ANXA10: variants seen among roughly 807,000 people sequenced by gnomAD.
ANXA10 encodes annexin A10.
ANXA10 carries 49 observed loss-of-function variants against 53.5 expected under a neutral mutation model. That is an observed-to-expected ratio of 0.92 (90% CI 0.73 to 1.16). The LOEUF (loss-of-function observed/expected upper bound fraction) is 1.16, where lower values mean the gene tolerates loss of function less well. ANXA10 is among the 50% of genes most tolerant of loss of function. The pLI, the probability that ANXA10 is intolerant of heterozygous loss-of-function variation, is 0.00. For missense variants in ANXA10, 393 were observed against 394.4 expected (o/e 1.00, Z 0.03); for synonymous variants, 131 against 128.9 (o/e 1.02, Z -0.11).
At chr4:168,150,702 C>T (rs1438145315) in intron 3 of ANXA10, among the ~76,000 whole-genome samples, 11 of 152,190 alleles carry the variant, frequency 7.2e-5, no homozygotes, top group Non-Finnish European at 1.6e-4. Context: ...ACGTTCAAAA[C>T]ATGGTGGTGT....
At chr4:168,096,012 C>A (rs1730534913) in intron 1 of ANXA10, among the ~76,000 whole-genome samples, 1 of 152,104 alleles carries the variant, frequency 6.6e-6, no homozygotes. Flanking sequence ...AGACATACAG[C>A]ATTTTAGCCT....
intron 2 of ANXA10, among the ~76,000 whole-genome samples, chr4:168,128,753 C>T (rs960347682): frequency 2.6e-5 from 4 of 152,046 alleles, no homozygotes; most frequent in Non-Finnish European, 5.9e-5. Context: ...CCCCCAGGCA[C>T]CTTACTTCCT....
At position 168,180,161 on chromosome 4, in the gene ANXA10, A is replaced by T. The variant is rs2149481381; in HGVS notation, c.724+849A>T. Among the ~76,000 whole-genome samples the T allele has an allele frequency of 1.3e-5, 2 of 152,264 alleles. 1 individual carries two copies. On this transcript the variant is annotated intron_variant, in intron 9 of 11. Transcript: ENST00000359299. ...AAGTCTCAAGCTAGGCTTCCATGAA[A>T]ACAGTTTGATGAAACCCCTAAAATA... is the stretch of plus-strand genomic sequence containing the variant.
At chr4:168,154,829 G>C (rs142755134) in intron 3 of ANXA10, among the ~76,000 whole-genome samples, 2 of 151,956 alleles carry the variant, frequency 1.3e-5, no homozygotes, top group Non-Finnish European at 2.9e-5. Flanking sequence ...TAACTCACAG[G>C]GTTGTTGTAA....
chr4:168,152,625 C>G (rs1400380213), intron 3 of ANXA10, among the ~76,000 whole-genome samples: 2 of 151,556 alleles, frequency 1.3e-5, no homozygotes, highest in African/African-American at 4.8e-5. Context: ...ATCACACTCT[C>G]AAGGTTGTTG....
At chr4:168,097,660 G>C (rs1048524295) in intron 1 of ANXA10, among the ~76,000 whole-genome samples, 6 of 152,082 alleles carry the variant, frequency 3.9e-5, no homozygotes, top group Non-Finnish European at 8.8e-5. Context: ...CATTATCATT[G>C]CCTGCCAACT....
intron 3 of ANXA10, among the ~76,000 whole-genome samples, chr4:168,150,547 T>C (rs1219881068): frequency 6.6e-6 from 1 of 152,106 alleles, no homozygotes; most frequent in East Asian, 1.9e-4. Flanking sequence ...AACAGACACT[T>C]TGATAGCCAG....
intron 1 of ANXA10, among the ~76,000 whole-genome samples, chr4:168,125,762 T>C (rs1731057415): frequency 6.6e-6 from 1 of 152,306 alleles, no homozygotes; most frequent in Non-Finnish European, 1.5e-5. Flanking sequence ...GGTGGGAAGA[T>C]GGTTTCTAGA....
intron 1 of ANXA10, among the ~76,000 whole-genome samples, chr4:168,122,022 TC>T (rs1269705821): frequency 6.7e-6 from 1 of 149,022 alleles, no homozygotes; most frequent in African/African-American, 2.5e-5. Flanking sequence ...TTGGTATTTT[TC>T]GTACAGATGG....
intron 3 of ANXA10, among the ~76,000 whole-genome samples, chr4:168,141,143 ATAAAGTCTCAGAGTTTGT>A (rs1731319060): frequency 6.6e-6 from 1 of 152,234 alleles, no homozygotes; most frequent in Non-Finnish European, 1.5e-5. Context: ...CACTGTACAT[ATAAAGTCTCAGAGTTTGT>A]TAAACCCTCA....
At chr4:168,104,986 A>G (rs1730696647) in intron 1 of ANXA10, among the ~76,000 whole-genome samples, 1 of 151,928 alleles carries the variant, frequency 6.6e-6, no homozygotes, top group African/African-American at 2.4e-5. Flanking sequence ...ACTGAAACAT[A>G]TGAGTATTAA....
chr4:168,102,048 T>A (rs1305524888), intron 1 of ANXA10, among the ~76,000 whole-genome samples: 1 of 152,174 alleles, frequency 6.6e-6, no homozygotes, highest in Non-Finnish European at 1.5e-5. Flanking sequence ...GCCATTACTC[T>A]GTGAGAAACA....
chr4:168,123,605 C>T (rs901839978), intron 1 of ANXA10, among the ~76,000 whole-genome samples: 8 of 152,266 alleles, frequency 5.3e-5, no homozygotes, highest in African/African-American at 1.9e-4. Context: ...TAGCAAGATT[C>T]TCATTACAAT....
chr4:168,100,208 T>G (rs979368980), intron 1 of ANXA10, among the ~76,000 whole-genome samples: 1 of 152,138 alleles, frequency 6.6e-6, no homozygotes, highest in Non-Finnish European at 1.5e-5. Flanking sequence ...ATTTTTTAAG[T>G]CTGATTTAGA....
chr4:168,098,307 A>G (rs1730584813), intron 1 of ANXA10, among the ~76,000 whole-genome samples: 1 of 152,118 alleles, frequency 6.6e-6, no homozygotes, highest in Non-Finnish European at 1.5e-5. Context: ...TATGAATCAT[A>G]GTTAGTTTAA....
At chr4:168,152,492 C>T (rs1188916409) in intron 3 of ANXA10, among the ~76,000 whole-genome samples, 1 of 152,078 alleles carries the variant, frequency 6.6e-6, no homozygotes, top group Non-Finnish European at 1.5e-5. Flanking sequence ...GAATAAAACA[C>T]TGAGTGTTCA....
rs1285671480 is a variant in ANXA10 at position 168,187,719 on chromosome 4, T to C, written c.*285T>C. ...CATTGGAATAGATTTTATTTAAATG[T>C]GAACCATCAACAACCTACAACAAGA... On this transcript the variant is annotated 3_prime_UTR_variant, in exon 12 of 12. Transcript: ENST00000359299. The C allele has an allele frequency of 4.6e-6, 1 of 219,582 alleles. No individual in the cohort carries two copies. The highest frequency in any genetic ancestry group is 8.9e-6 in the Non-Finnish European group (1 of 112,316). The allele number at this position is 219,582 out of a possible 1,614,324, so 13.6% of individuals were successfully genotyped here. A position where few individuals can be genotyped will look rare whatever the true frequency, so the allele number is the denominator to read the frequency against.
intron 11 of ANXA10, 52 bp from the exon 12 acceptor site, chr4:168,187,314 T>C: frequency 2.4e-6 from 3 of 1,246,154 alleles, no homozygotes; most frequent in Non-Finnish European, 3.4e-6. Context: ...ATGCTTCCTT[T>C]TTAGAACTAT....
In ANXA10 at chr4:168,169,552, G is replaced by A. The variant is rs149056672; in HGVS notation, c.480+4226G>A. On this transcript the variant is annotated intron_variant, in intron 6 of 11. Coordinates refer to ENST00000359299, the MANE Select transcript of ANXA10 (RefSeq NM_007193.5). The stretch of plus-strand genomic sequence containing the variant: ...AGAACATTCCATAATTAACAGGCTG[G>A]ATGCCGATCTCCGTCTCAAAGTCAT... Among the ~76,000 whole-genome samples the A allele has an allele frequency of 5.1e-4, 77 of 152,258 alleles. No homozygotes were observed. The East Asian group carries it at 0.014, about 27-fold the overall frequency.
Sources: allele counts gnomAD v4.1 joint callset (sites outside exome capture counted in the v4.1 genomes callset), GRCh38; gene constraint gnomAD v4.1.1; transcripts MANE v1.5; gene names NCBI Gene and HGNC (gene_info 2026-07-23, HGNC 2026-07-21).